Variants in PUM1 observed in about 807,000 individuals in gnomAD.
PUM1 encodes the protein pumilio homolog 1.
PUM1 carries 13 observed loss-of-function variants against 131.8 expected under a neutral mutation model. That is an observed-to-expected ratio of 0.10 (90% CI 0.06 to 0.16). The LOEUF (loss-of-function observed/expected upper bound fraction) is 0.16, where lower values mean the gene tolerates loss of function less well. Among genes scored for constraint, PUM1 ranks in the 10% least tolerant of loss-of-function variants. The pLI is 1.00. For missense variants in PUM1, 961 were observed against 1,512.4 expected (o/e 0.64, Z 6.05); for synonymous variants, 509 against 556.5 (o/e 0.91, Z 1.20).
chr1:31,049,882 T>G lies in PUM1; in HGVS notation c.363+9322A>C, dbSNP rs375663446. On this transcript the variant is annotated intron_variant, in intron 2 of 21. Coordinates refer to ENST00000426105, the MANE Select transcript of PUM1 (RefSeq NM_001020658.2). ...TCTTGCTCTGTCGCCCAAGCTGGAG[T>G]GCAGTGGTGCAATCTCAGCTCACTG... is the stretch of plus-strand genomic sequence containing the variant. Among the ~76,000 whole-genome samples, 12 of 132,256 alleles carry G rather than the reference T, an allele frequency of 9.1e-5. No homozygotes were observed. In the East Asian group the frequency reaches 1.9e-3, roughly 21 times the overall value. 86.8% of individuals were successfully genotyped at this position (132,256 alleles called of 152,430 possible). A position where few individuals can be genotyped will look rare whatever the true frequency, so the allele number is the denominator to read the frequency against.
At chr1:30,964,445 T>C (rs1640541497) in intron 14 of PUM1, among the ~76,000 whole-genome samples, 1 of 152,186 alleles carries the variant, frequency 6.6e-6, no homozygotes, top group Non-Finnish European at 1.5e-5. Flanking sequence ...ATGTTCATAC[T>C]AAAGCTAACT....
intron 3 of PUM1, among the ~76,000 whole-genome samples, chr1:31,010,280 G>A (rs1642562065): frequency 6.6e-6 from 1 of 152,168 alleles, no homozygotes; most frequent in South Asian, 2.1e-4. Flanking sequence ...CATCTGAAAT[G>A]ACTCTTAATG....
chr1:31,010,302 CA>C (rs1642563513), intron 3 of PUM1, among the ~76,000 whole-genome samples: 1 of 152,188 alleles, frequency 6.6e-6, no homozygotes, highest in African/African-American at 2.4e-5. Context: ...TCTTCACTTA[CA>C]AGTACTCATA....
At chr1:30,941,897 C>T (rs762198368) in intron 19 of PUM1, 101 bp downstream of exon 19, 1 of 1,254,024 alleles carries the variant, frequency 8.0e-7, no homozygotes, top group African/African-American at 1.5e-5. Flanking sequence ...GTATTTAAAA[C>T]ACATTAACCT....
chr1:31,062,689 C>T (rs1034258079), intron 1 of PUM1, among the ~76,000 whole-genome samples: 1 of 151,890 alleles, frequency 6.6e-6, no homozygotes, highest in Non-Finnish European at 1.5e-5. Flanking sequence ...TCCACAGCCA[C>T]GGTCTAATTT....
chr1:30,936,613 TTC>T, intron 21 of PUM1, 28 bp downstream of exon 21: 1 of 1,590,668 alleles, frequency 6.3e-7, no homozygotes, highest in Non-Finnish European at 8.6e-7. Flanking sequence ...CTTGCACACT[TTC>T]TCTGAGACCC....
At chr1:31,008,255 G>A (rs1173062480) in intron 3 of PUM1, among the ~76,000 whole-genome samples, 3 of 152,064 alleles carry the variant, frequency 2.0e-5, no homozygotes, top group African/African-American at 7.2e-5. Flanking sequence ...TAATTTCTGG[G>A]TTTCTCGGCA....
In PUM1 at chr1:31,002,082, T is replaced by TA. The variant is rs1441922509; in HGVS notation, c.720+3770dup. Among the ~76,000 whole-genome samples, 8 of 152,344 alleles carry TA rather than the reference T, an allele frequency of 5.3e-5. No homozygotes were observed. In the South Asian group the frequency reaches 6.2e-4, roughly 12 times the overall value. ...ACATATGCTACACAGCCGTATGAAT[T>TA]AGACTTTGTTGAGTTTTGATTATTC... On this transcript the variant is annotated intron_variant, in intron 5 of 21. Coordinates refer to ENST00000426105, the MANE Select transcript of PUM1 (RefSeq NM_001020658.2).
chr1:30,933,483 CA>C (rs1199058232), intron 21 of PUM1, 141 bp from the exon 22 acceptor site: 169 of 834,332 alleles, frequency 2.0e-4, no homozygotes, highest in Admixed American at 4.0e-4. Flanking sequence ...CACACACACA[CA>C]CCCCTACAGC....
intron 20 of PUM1, among the ~76,000 whole-genome samples, chr1:30,940,825 C>T (rs1174441915): frequency 2.6e-5 from 4 of 152,260 alleles, no homozygotes; most frequent in Middle Eastern, 6.8e-3. Flanking sequence ...GCCTTTCTTT[C>T]AGGTGCTAAA....
intron 2 of PUM1, among the ~76,000 whole-genome samples, chr1:31,038,984 A>ATTTTTTT (rs35507851): frequency 2.2e-4 from 11 of 49,416 alleles, no homozygotes; most frequent in Admixed American, 4.3e-4. Context: ...ATATATATAT[A>ATTTTTTT]TTTTTTTTTT....
chr1:30,960,562 G>C (rs1640362233), intron 14 of PUM1, among the ~76,000 whole-genome samples: 1 of 152,112 alleles, frequency 6.6e-6, no homozygotes, highest in African/African-American at 2.4e-5. Flanking sequence ...CAGTATATAA[G>C]ATCAATATAC....
chr1:30,941,052 C>G, intron 20 of PUM1, 99 bp downstream of exon 20: 7 of 1,166,606 alleles, frequency 6.0e-6, no homozygotes, highest in Non-Finnish European at 8.1e-6. Flanking sequence ...ACTTTGAAAA[C>G]AACAACAACA....
Position 30,966,151 on chromosome 1 carries a change from G to A in PUM1, c.1917C>T (p.Asn639=), listed in dbSNP as rs375341411. Residue 639 remains asparagine (N), a synonymous_variant, in exon 13 of 22, where the codon AAC becomes AAT. Transcript: ENST00000426105. ...QPQPQQQPNN[N]LASSSFYGNN... ...TGCCGTAGAAAGAACTGGATGCCAG[G>A]TTGTTATTGGGCTGCTGCTGGGGCT... The A allele has an allele frequency of 1.2e-4, 190 of 1,614,148 alleles. No individual in the cohort carries two copies. Among genetic ancestry groups the A allele is most frequent in the Non-Finnish European group, 1.5e-4 (178 of 1,180,024 alleles).
chr1:31,011,760 C>T (rs1238557427), intron 3 of PUM1, among the ~76,000 whole-genome samples: 4 of 152,116 alleles, frequency 2.6e-5, no homozygotes, highest in South Asian at 2.1e-4. Flanking sequence ...TTCCTATCCA[C>T]CCCATCAAGA....
intron 18 of PUM1, among the ~76,000 whole-genome samples, chr1:30,944,513 G>A (rs1186318568): frequency 6.6e-6 from 1 of 152,202 alleles, no homozygotes; most frequent in African/African-American, 2.4e-5. Flanking sequence ...CTGAAGCTAA[G>A]AAGAGATTTT....
chr1:31,007,062 G>C lies in PUM1; in HGVS notation c.473C>G (p.Ser158Cys). 6.2e-7 allele frequency: 1 copy of C among 1,614,002 alleles called. No individual in the cohort carries two copies. Among genetic ancestry groups the C allele is most frequent in the Non-Finnish European group, 8.5e-7 (1 of 1,179,924 alleles). ...PGKKFWETDE[S>C]SKDGPKGIFL... is the part of the protein sequence containing the mutation. ...TATTCCTTTTGGTCCATCTTTGCTG[G>C]ATTCATCTGTTTCCCAAAACTTTTT... The change falls in exon 4 of 22, where the codon TCC (serine) becomes TGC (cysteine). Residue 158 changes from serine to cysteine, a missense_variant. By Grantham distance (112) the Ser-to-Cys change is moderately radical. Around this residue, in one of 4 missense-constraint regions of PUM1, gnomAD observed 654 missense variants for 923.9 expected, o/e 0.71. Coordinates refer to ENST00000426105, the MANE Select transcript of PUM1 (RefSeq NM_001020658.2).
At chr1:31,031,651 C>A (rs1643435621) in intron 2 of PUM1, among the ~76,000 whole-genome samples, 1 of 152,174 alleles carries the variant, frequency 6.6e-6, no homozygotes, top group African/African-American at 2.4e-5. Context: ...CTCCAATATT[C>A]TATTATTTTA....
intron 5 of PUM1, among the ~76,000 whole-genome samples, chr1:31,004,557 GT>G (rs1642332406): frequency 6.6e-6 from 1 of 152,150 alleles, no homozygotes. Flanking sequence ...CCTTGGGAAG[GT>G]TCAAATAACA....
Sources: gnomAD v4.1 joint callset for allele counts (sites outside exome capture counted in the v4.1 genomes callset) on GRCh38, gnomAD v4.1.1 for gene constraint, gnomAD v4.1.1 regional missense constraint, MANE v1.5 for transcripts, NCBI Gene and HGNC (gene_info 2026-07-23, HGNC 2026-07-21) for gene names.